Variants in LRP12 observed in about 807,000 individuals in gnomAD.
LRP12 encodes the protein LDL receptor related protein 12, also known as low-density lipoprotein receptor-related protein 12.
A neutral mutation model predicts 66.0 loss-of-function variants in LRP12; 14 were observed. The observed-to-expected ratio is 0.21, with a 90% CI of 0.14 to 0.33. The LOEUF is 0.33. Among genes scored for constraint, LRP12 ranks in the 10% least tolerant of loss-of-function variants. The pLI is 1.00. For missense variants in LRP12, 889 were observed against 1,053.4 expected (o/e 0.84, Z 2.16); for synonymous variants, 357 against 359.1 (o/e 0.99, Z 0.07).
intron 1 of LRP12, among the ~76,000 whole-genome samples, chr8:104,584,404 C>T (rs935458990): frequency 6.6e-6 from 1 of 151,486 alleles, no homozygotes; most frequent in African/African-American, 2.4e-5. Flanking sequence ...AAAGGAACAA[C>T]ATCTCATATC....
chr8:104,534,650 C>T (rs1383662323), intron 1 of LRP12, among the ~76,000 whole-genome samples: 1 of 151,910 alleles, frequency 6.6e-6, no homozygotes, highest in African/African-American at 2.4e-5. Flanking sequence ...CACACATTTA[C>T]TCTAGCTTAA....
intron 2 of LRP12, among the ~76,000 whole-genome samples, chr8:104,528,950 A>G (rs775763496): frequency 6.6e-6 from 1 of 152,214 alleles, no homozygotes; most frequent in Non-Finnish European, 1.5e-5. Flanking sequence ...TAAGCCATGA[A>G]TAAGGTTTTA....
At chr8:104,514,479 C>A (rs933404025) in intron 2 of LRP12, among the ~76,000 whole-genome samples, 1 of 148,338 alleles carries the variant, frequency 6.7e-6, no homozygotes, top group Non-Finnish European at 1.5e-5. Context: ...GAGGCCGAGG[C>A]GGGTGGATAA....
intron 1 of LRP12, among the ~76,000 whole-genome samples, chr8:104,536,216 A>G (rs1811391137): frequency 6.6e-6 from 1 of 152,034 alleles, no homozygotes. Context: ...TCTTCTTTCC[A>G]GTAATAATGG....
chr8:104,552,604 T>G (rs766431469), intron 1 of LRP12, among the ~76,000 whole-genome samples: 1 of 152,188 alleles, frequency 6.6e-6, no homozygotes, highest in Admixed American at 6.5e-5. Context: ...CATGGAACCT[T>G]AAAGTACTAT....
chr8:104,548,160 T>TAATA (rs1465502576), intron 1 of LRP12, among the ~76,000 whole-genome samples: 1 of 57,290 alleles, frequency 1.7e-5, no homozygotes, highest in African/African-American at 8.6e-5. Flanking sequence ...ATATTAATAA[T>TAATA]TATTATATAT....
chr8:104,580,595 A>G (rs1434667282), intron 1 of LRP12, among the ~76,000 whole-genome samples: 1 of 152,132 alleles, frequency 6.6e-6, no homozygotes, highest in Non-Finnish European at 1.5e-5. Flanking sequence ...AAACACATTT[A>G]CAAGAAAAAA....
chr8:104,561,208 C>G (rs997746339), intron 1 of LRP12, among the ~76,000 whole-genome samples: 10 of 152,282 alleles, frequency 6.6e-5, no homozygotes, highest in African/African-American at 2.4e-4. Flanking sequence ...CCGTGTTTTG[C>G]CAAACCCTGC....
intron 1 of LRP12, among the ~76,000 whole-genome samples, chr8:104,548,766 GA>G (rs1308202740): frequency 6.6e-6 from 1 of 150,952 alleles, no homozygotes; most frequent in Non-Finnish European, 1.5e-5. Flanking sequence ...CCAACATGGA[GA>G]AACCCCGTCT....
At chr8:104,553,390 G>A (rs1811756420) in intron 1 of LRP12, among the ~76,000 whole-genome samples, 1 of 152,108 alleles carries the variant, frequency 6.6e-6, no homozygotes, top group Non-Finnish European at 1.5e-5. Context: ...AATAAACTTG[G>A]TGCTGTTGGA....
chr8:104,508,957 C>T lies in LRP12; in HGVS notation c.254G>A (p.Gly85Asp). 6.2e-7 allele frequency: 1 copy of T among 1,612,868 alleles called. No homozygotes were observed. Among genetic ancestry groups the T allele is most frequent in the South Asian group, 1.1e-5 (1 of 90,838 alleles). Residue 85 changes from glycine to aspartate, a missense_variant, in exon 3 of 7, where the codon GGC (glycine) becomes GAC (aspartate). Gly to Asp is a moderately conservative substitution (Grantham distance 94). Transcript: ENST00000276654. ...GAATTACCTTATAGTAATGATTTCG[C>T]CTGGGTTTGCCCTTATGAACCAGCT... ...NCSWFIRANP[G>D]EIITISFQDF...
At chr8:104,577,440 C>G (rs183799572) in intron 1 of LRP12, among the ~76,000 whole-genome samples, 2 of 152,178 alleles carry the variant, frequency 1.3e-5, no homozygotes, top group Non-Finnish European at 2.9e-5. Context: ...AAAAACCATA[C>G]AATTACATGA....
intron 1 of LRP12, among the ~76,000 whole-genome samples, chr8:104,542,012 A>G (rs887001960): frequency 3.3e-5 from 5 of 152,188 alleles, no homozygotes; most frequent in African/African-American, 1.2e-4. Flanking sequence ...TTTAGTATGT[A>G]GAGAGAGTGG....
rs995709213 is a variant in LRP12 at position 104,490,704 on chromosome 8, G to A, written c.2549C>T (p.Thr850Met). Residue 850 changes from threonine to methionine, a missense_variant, in exon 7 of 7, where the codon ACG (threonine) becomes ATG (methionine). Thr to Met is a moderately conservative substitution (Grantham distance 81). Coordinates refer to ENST00000276654, the MANE Select transcript of LRP12 (RefSeq NM_013437.5). ...TCLEVTLKNE[T>M]SDDEALLLC is the part of the protein sequence containing the mutation. ...AAGTAACAAAGCCTCATCATCACTC[G>A]TTTCGTTTTTCAGTGTTACTTCTAA... 9.3e-6 allele frequency: 15 copies of A among 1,613,336 alleles called. No homozygotes were observed. Among genetic ancestry groups the A allele is most frequent in the African/African-American group, 6.7e-5 (5 of 74,974 alleles).
rs1810602810 is a variant in LRP12 at position 104,490,579 on chromosome 8, C to A, written c.*94G>T. ...AATAAGAAATCACCCTGCATTTTTT[C>A]TTTTTAAACTAAAACTAGTTTAACT... On this transcript the variant is annotated 3_prime_UTR_variant, in exon 7 of 7. Transcript: ENST00000276654. 7.1e-7 allele frequency: 1 copy of A among 1,415,594 alleles called. No homozygotes were observed. Among genetic ancestry groups the A allele is most frequent in the African/African-American group, 1.4e-5 (1 of 69,386 alleles). 87.7% of individuals were successfully genotyped at this position (1,415,594 alleles called of 1,614,324 possible). A position where few individuals can be genotyped will look rare whatever the true frequency, so the allele number is the denominator to read the frequency against.
chr8:104,548,189 T>TA (rs1342059760), intron 1 of LRP12, among the ~76,000 whole-genome samples: 1,970 of 91,566 alleles, frequency 0.022, 72 homozygotes, highest in African/African-American at 0.067. Context: ...ATATAATATA[T>TA]ATATAAATAT....
chr8:104,576,872 A>T (rs1433553518), intron 1 of LRP12, among the ~76,000 whole-genome samples: 1 of 152,204 alleles, frequency 6.6e-6, no homozygotes, highest in Non-Finnish European at 1.5e-5. Context: ...CTCATCTCAC[A>T]TCCAATGACA....
Position 104,508,865 on chromosome 8 carries a change from TTAAG to T in LRP12, c.272+70_272+73del, listed in dbSNP as rs1810947077. The T allele has an allele frequency of 6.7e-6, 9 of 1,345,820 alleles. No homozygotes were observed. In the South Asian group the frequency reaches 8.6e-5, roughly 13 times the overall value. The allele number at this position is 1,345,820 out of a possible 1,614,324, so 83.4% of individuals were successfully genotyped here. On this transcript the variant is annotated intron_variant, in intron 3 of 6. Transcript: ENST00000276654. ...AGCCTTCTTTTTATATTACTGCATG[TTAAG>T]TAATAATAAATGAAAATGGAATTTA...
At chr8:104,580,360 A>C (rs113263808) in intron 1 of LRP12, among the ~76,000 whole-genome samples, 2,819 of 90,482 alleles carry the variant, frequency 0.031, 77 homozygotes, top group African/African-American at 0.11. Flanking sequence ...ACTAAAAATA[A>C]AAAAAAAAAA....
Sources: gnomAD v4.1 joint callset for allele counts (sites outside exome capture counted in the v4.1 genomes callset) on GRCh38, gnomAD v4.1.1 for gene constraint, MANE v1.5 for transcripts, NCBI Gene and HGNC (gene_info 2026-07-23, HGNC 2026-07-21) for gene names.